AGR3: variants seen among roughly 807,000 people sequenced by gnomAD.
The protein encoded by AGR3 is anterior gradient 3, protein disulphide isomerase family member.
A neutral mutation model predicts 24.5 loss-of-function variants in AGR3; 37 were observed. The ratio of observed to expected loss-of-function variants is 1.51; its 90% CI spans 1.16 to 1.99. The LOEUF is 1.99. Among genes scored for constraint, AGR3 ranks in the 30% most tolerant of loss-of-function variants. The pLI is 0.00. For synonymous variants in AGR3, 75 were observed against 61.6 expected (o/e 1.22, Z -1.02); for missense variants, 228 against 191.1 (o/e 1.19, Z -1.14).
At chr7:16,873,890 G>T in intron 2 of AGR3, 47 bp from the exon 3 acceptor site, 4 of 1,444,678 alleles carry the variant, frequency 2.8e-6, no homozygotes, top group Non-Finnish European at 3.9e-6. Context: ...AACTAGAGAA[G>T]AGCTCGGAAA....
chr7:16,863,880 C>T (rs62446116), intron 3 of AGR3, among the ~76,000 whole-genome samples: 15,645 of 151,914 alleles, frequency 0.1, 1,045 homozygotes, highest in East Asian at 0.32. Context: ...CACGCAGTTT[C>T]TTTACACCCA....
At position 16,859,590 on chromosome 7, in the gene AGR3, C is replaced by G. The variant is rs1323418697; in HGVS notation, c.493G>C (p.Glu165Gln). The G allele has an allele frequency of 1.3e-6, 2 of 1,555,572 alleles. No individual in the cohort carries two copies. The highest frequency in any genetic ancestry group is 1.8e-6 in the Non-Finnish European group (2 of 1,140,962). ...MKKALRLIQS[E>Q]L ...CTTTTTTCCATCATCTCTTATAGCT[C>G]TGACTGAATAAGTCTTAATGCTTTC... Residue 165 changes from glutamate to glutamine, a missense_variant, in exon 8 of 8, where the codon GAG (glutamate) becomes CAG (glutamine). By Grantham distance (29) the Glu-to-Gln change is conservative (BLOSUM62 2). Transcript: ENST00000310398.
At chr7:16,867,686 T>G (rs570382756) in intron 3 of AGR3, among the ~76,000 whole-genome samples, 1 of 152,276 alleles carries the variant, frequency 6.6e-6, no homozygotes, top group South Asian at 2.1e-4. Context: ...ACCACCATTT[T>G]CCTTTGTTTC....
At chr7:16,871,392 A>G (rs1347340874) in intron 3 of AGR3, among the ~76,000 whole-genome samples, 4 of 152,198 alleles carry the variant, frequency 2.6e-5, no homozygotes, top group Non-Finnish European at 5.9e-5. Flanking sequence ...GAAAACTAAA[A>G]TGCTTTTTTT....
chr7:16,876,790 T>C (rs892184634), intron 2 of AGR3, among the ~76,000 whole-genome samples: 3 of 152,246 alleles, frequency 2.0e-5, no homozygotes, highest in Admixed American at 1.3e-4. Context: ...AAATGTAATA[T>C]ATTTTTTCAA....
chr7:16,857,929 A>G (rs1781575826), downstream of AGR3, among the ~76,000 whole-genome samples: 2 of 151,962 alleles, frequency 1.3e-5, no homozygotes, highest in Non-Finnish European at 2.9e-5. Flanking sequence ...AGCAATTCAA[A>G]TTTTGCTAAA....
intron 1 of AGR3, among the ~76,000 whole-genome samples, chr7:16,880,470 C>CTCCCCTCCCT: frequency 2.1e-5 from 1 of 47,646 alleles, no homozygotes; most frequent in Non-Finnish European, 4.4e-5. Context: ...CTCCTTTCCT[C>CTCCCCTCCCT]TCCCCTCCTT....
intron 3 of AGR3, among the ~76,000 whole-genome samples, chr7:16,868,097 T>G (rs376071263): frequency 6.6e-5 from 10 of 152,250 alleles, no homozygotes; most frequent in Admixed American, 2.0e-4. Context: ...GGTATTAATT[T>G]GCATTTCCCT....
At chr7:16,859,682 T>C (rs1441582032) in intron 7 of AGR3, 51 bp from the exon 8 acceptor site, 11 of 1,208,570 alleles carry the variant, frequency 9.1e-6, no homozygotes, top group Non-Finnish European at 1.3e-5. Context: ...AAAGTACAAA[T>C]GCTATGATCT....
chr7:16,877,646 A>G (rs905362331), intron 2 of AGR3, among the ~76,000 whole-genome samples: 22 of 151,712 alleles, frequency 1.5e-4, no homozygotes, highest in African/African-American at 4.1e-4. Flanking sequence ...GGCGGATCAC[A>G]AGGTCAGGAG....
intron 1 of AGR3, among the ~76,000 whole-genome samples, chr7:16,880,527 CT>C (rs1562553888): frequency 2.5e-5 from 1 of 40,796 alleles, no homozygotes; most frequent in African/African-American, 7.5e-5. Flanking sequence ...CTCCTCTCCC[CT>C]CCCCTCCCCT....
intron 6 of AGR3, 59 bp downstream of exon 6, chr7:16,861,325 G>A: frequency 3.8e-6 from 5 of 1,316,814 alleles, no homozygotes; most frequent in Admixed American, 2.4e-5. Context: ...AAAAATAAAA[G>A]CAAGAATGCT....
chr7:16,860,502 A>C lies in AGR3; in HGVS notation c.449T>G (p.Leu150Arg), dbSNP rs1339855522. 3.1e-6 allele frequency: 5 copies of C among 1,609,270 alleles called. No individual in the cohort carries two copies. The highest frequency in any genetic ancestry group is 4.3e-6 in the Non-Finnish European group (5 of 1,175,590). ...LYTYEPRDLP[L>R]LIENMKKALR... ...TGAGATCATTTGTGAATACTTACATAGGGGTAAATCCCGAGGCTCATATGT... is the reference window on the plus strand; with the variant it reads ...TGAGATCATTTGTGAATACTTACATCGGGGTAAATCCCGAGGCTCATATGT... Residue 150 changes from leucine (L) to arginine (R), a missense_variant and splice_region_variant, in exon 7 of 8, where the codon CTA (leucine) becomes CGA (arginine). Leu to Arg is a moderately radical substitution (Grantham distance 102). Coordinates refer to ENST00000310398, the MANE Select transcript of AGR3 (RefSeq NM_176813.5).
At chr7:16,876,679 A>C (rs1465506176) in intron 2 of AGR3, among the ~76,000 whole-genome samples, 1 of 152,324 alleles carries the variant, frequency 6.6e-6, no homozygotes, top group East Asian at 1.9e-4. Flanking sequence ...ACCAATTCTC[A>C]ATAATGGTGT....
downstream of AGR3, among the ~76,000 whole-genome samples, chr7:16,855,244 A>G (rs1322392409): frequency 1.3e-5 from 2 of 152,154 alleles, no homozygotes; most frequent in Admixed American, 6.5e-5. Context: ...CTTATTTCCA[A>G]ATAGGAAATA....
intron 2 of AGR3, among the ~76,000 whole-genome samples, chr7:16,877,718 C>A (rs1270715948): frequency 1.3e-5 from 2 of 151,944 alleles, no homozygotes; most frequent in African/African-American, 4.8e-5. Context: ...AAAAAATTAG[C>A]CGGGCATGGT....
rs759633558 is a variant in AGR3, at chr7:16,861,396, T to C, written c.355A>G (p.Ile119Val). 6.2e-7 allele frequency: 1 copy of C among 1,610,206 alleles called. No individual in the cohort carries two copies. Among genetic ancestry groups the C allele is most frequent in the South Asian group, 1.1e-5 (1 of 90,328 alleles). ...ATCACATACATACCTACAAACATGA[T>C]TCTAGGCACATATTGCCCATCAGGT... ...LSPDGQYVPR[I>V]MFVDPSLTVR... Residue 119 changes from isoleucine (I) to valine (V), a missense_variant, in exon 6 of 8, where the codon ATC becomes GTC. Physicochemically the swap from Ile to Val is conservative, Grantham distance 29. Transcript: ENST00000310398.
At chr7:16,875,121 A>C (rs1434212662) in intron 2 of AGR3, among the ~76,000 whole-genome samples, 1 of 151,138 alleles carries the variant, frequency 6.6e-6, no homozygotes. Context: ...TCTCAAAAAA[A>C]AAAAAAAAAA....
downstream of AGR3, among the ~76,000 whole-genome samples, chr7:16,858,325 T>C (rs745869558): frequency 2.0e-5 from 3 of 152,106 alleles, no homozygotes; most frequent in African/African-American, 7.2e-5. Flanking sequence ...TGATAATTAC[T>C]CCCAGCTGAT....
Sources: gnomAD v4.1 joint callset for allele counts (sites outside exome capture counted in the v4.1 genomes callset) on GRCh38, gnomAD v4.1.1 for gene constraint, MANE v1.5 for transcripts, NCBI Gene and HGNC (gene_info 2026-07-23, HGNC 2026-07-21) for gene names.